The following GCNT4 variants were observed in gnomAD, a reference collection of about 807,000 sequenced individuals.
The protein encoded by GCNT4 is glucosaminyl (N-acetyl) transferase 4.
GCNT4 carries 17 observed loss-of-function variants against 31.3 expected under a neutral mutation model. The observed-to-expected ratio is 0.54, with a 90% CI of 0.37 to 0.81. The LOEUF is 0.81. Among genes scored for constraint, GCNT4 ranks in the 40% least tolerant of loss-of-function variants. The pLI is 0.00. For synonymous variants in GCNT4, 158 were observed against 190.6 expected, an observed-to-expected ratio of 0.83 and a Z score of 1.41; for missense variants, 503 against 525.5, an observed-to-expected ratio of 0.96 and a Z score of 0.42.
intron 3 of GCNT4, among the ~76,000 whole-genome samples, chr5:75,042,190 C>A (rs574462337): frequency 6.6e-6 from 1 of 152,316 alleles, no homozygotes; most frequent in East Asian, 1.9e-4. Flanking sequence ...TAGCTTGACA[C>A]AACATAAAGC....
At chr5:75,038,102 A>G (rs1211087466) in intron 3 of GCNT4, among the ~76,000 whole-genome samples, 1 of 151,948 alleles carries the variant, frequency 6.6e-6, no homozygotes, top group African/African-American at 2.4e-5. Flanking sequence ...TAACAGTCTC[A>G]CTATATAGGC....
intron 3 of GCNT4, among the ~76,000 whole-genome samples, chr5:75,036,726 T>C (rs968589706): frequency 6.6e-6 from 1 of 152,122 alleles, no homozygotes; most frequent in Non-Finnish European, 1.5e-5. Context: ...CTGAGACTGA[T>C]CAATGAGCTA....
At chr5:75,020,726 C>T (rs1363583643), downstream of GCNT4, among the ~76,000 whole-genome samples, 3 of 152,064 alleles carry the variant, frequency 2.0e-5, no homozygotes, top group Non-Finnish European at 4.4e-5. Context: ...CAGAATATTG[C>T]CAATAGTTGA....
intron 2 of GCNT4, among the ~76,000 whole-genome samples, chr5:75,050,802 A>G (rs963117075): frequency 9.9e-5 from 15 of 152,118 alleles, no homozygotes; most frequent in Admixed American, 8.5e-4. Context: ...GAATCCGCCC[A>G]ACGTGTCATC....
chr5:75,032,570 C>T (rs368683000), intron 3 of GCNT4, among the ~76,000 whole-genome samples: 2 of 152,202 alleles, frequency 1.3e-5, no homozygotes, highest in African/African-American at 2.4e-5. Flanking sequence ...TCTCCATCCC[C>T]GCTGCCAAGT....
intron 2 of GCNT4, among the ~76,000 whole-genome samples, chr5:75,048,796 T>G (rs772190572): frequency 6.6e-6 from 1 of 152,096 alleles, no homozygotes; most frequent in Non-Finnish European, 1.5e-5. Context: ...TAGTAACTGA[T>G]AGAAGTTAAG....
rs75579682 is a variant in GCNT4, at chr5:75,046,712, T to G, written c.-2+1185A>C. On this transcript the variant is annotated intron_variant, in intron 3 of 3. Transcript: ENST00000652361. ...GAAAACCAACAAGAGAAGACGGGGT[T>G]GCACAGGGGAGGGAAATGAAAAGCA... Among the ~76,000 whole-genome samples, 192 of 152,268 alleles carry G rather than the reference T, an allele frequency of 1.3e-3. 3 individuals carry two copies. In the East Asian group the frequency reaches 0.03, roughly 24 times the overall value.
intron 3 of GCNT4, among the ~76,000 whole-genome samples, chr5:75,037,810 G>C (rs1743231054): frequency 6.6e-6 from 1 of 151,942 alleles, no homozygotes; most frequent in Non-Finnish European, 1.5e-5. Flanking sequence ...CTTGGGAGAT[G>C]GAGGTTGCAG....
chr5:75,044,014 G>A (rs555579137), intron 3 of GCNT4, among the ~76,000 whole-genome samples: 1 of 152,174 alleles, frequency 6.6e-6, no homozygotes, highest in Non-Finnish European at 1.5e-5. Context: ...ATGTTGGCAA[G>A]AACTGTGCAG....
intron 2 of GCNT4, among the ~76,000 whole-genome samples, chr5:75,049,094 T>C (rs1225957360): frequency 6.6e-6 from 1 of 151,962 alleles, no homozygotes; most frequent in East Asian, 1.9e-4. Flanking sequence ...AAATCCACAT[T>C]GGGAAGAATT....
intron 3 of GCNT4, among the ~76,000 whole-genome samples, chr5:75,044,940 G>A (rs1743402602): frequency 6.6e-6 from 1 of 152,148 alleles, no homozygotes; most frequent in Non-Finnish European, 1.5e-5. Flanking sequence ...CCCCATATTA[G>A]GATTCAGGCA....
At chr5:75,041,509 T>G (rs1743318236) in intron 3 of GCNT4, among the ~76,000 whole-genome samples, 1 of 152,216 alleles carries the variant, frequency 6.6e-6, no homozygotes, top group Non-Finnish European at 1.5e-5. Flanking sequence ...AATAATTCTA[T>G]CAACCACCTC....
chr5:75,037,948 TAAAAAAAA>T (rs374826808), intron 3 of GCNT4, among the ~76,000 whole-genome samples: 2 of 134,260 alleles, frequency 1.5e-5, no homozygotes, highest in African/African-American at 5.3e-5. Flanking sequence ...CCACTTTCAT[TAAAAAAAA>T]AAAAAAAAAA....
At chr5:75,045,827 G>A (rs1472459887) in intron 3 of GCNT4, among the ~76,000 whole-genome samples, 2 of 152,144 alleles carry the variant, frequency 1.3e-5, no homozygotes, top group Non-Finnish European at 2.9e-5. Context: ...GGTCCTAAGT[G>A]ACTGATAACA....
intron 3 of GCNT4, among the ~76,000 whole-genome samples, chr5:75,046,308 G>A (rs1467642572): frequency 5.3e-5 from 8 of 152,174 alleles, no homozygotes; most frequent in Non-Finnish European, 1.2e-4. Context: ...TTGTTCCACT[G>A]AGGTAGAATG....
chr5:75,048,551 C>A (rs553474773), intron 2 of GCNT4, among the ~76,000 whole-genome samples: 1 of 152,132 alleles, frequency 6.6e-6, no homozygotes, highest in Non-Finnish European at 1.5e-5. Flanking sequence ...TGCAGCAAAA[C>A]AAAAACAAAA....
the GCNT4 span, among the ~76,000 whole-genome samples, chr5:75,018,137 G>A: frequency 1.3e-5 from 2 of 152,148 alleles, no homozygotes; most frequent in Non-Finnish European, 2.9e-5. Context: ...TCCAATTATT[G>A]TTGTTCTCTT....
intron 3 of GCNT4, 27 bp downstream of exon 3, chr5:75,047,870 T>C (rs1353899107): frequency 6.6e-6 from 1 of 152,154 alleles, no homozygotes; most frequent in Non-Finnish European, 1.5e-5. Flanking sequence ...TTCATCTTAA[T>C]CTGACTATAA....
At chr5:75,030,980 G>C (rs1175444919) in intron 3 of GCNT4, 1 of 166,414 alleles carries the variant, frequency 6.0e-6, no homozygotes, top group Non-Finnish European at 1.5e-5. Flanking sequence ...CAATCTCTAA[G>C]ATATACTGTG....
Sources: gnomAD v4.1 joint callset for allele counts (sites outside exome capture counted in the v4.1 genomes callset) on GRCh38, gnomAD v4.1.1 for gene constraint, MANE v1.5 for transcripts, NCBI Gene and HGNC (gene_info 2026-07-23, HGNC 2026-07-21) for gene names.